DNAH11: variants seen among roughly 807,000 people sequenced by gnomAD.
The protein encoded by DNAH11 is dynein axonemal heavy chain 11.
A neutral mutation model predicts 526.0 loss-of-function variants in DNAH11; 442 were observed. The observed-to-expected ratio is 0.84, with a 90% CI of 0.78 to 0.91. The LOEUF is 0.91. Among genes scored for constraint, DNAH11 ranks in the 40% least tolerant of loss-of-function variants. The pLI, the probability that DNAH11 is intolerant of heterozygous loss-of-function variation, is 0.00. For missense variants in DNAH11, 6,989 were observed against 5,448.7 expected, an observed-to-expected ratio of 1.28 and a Z score of -8.90; for synonymous variants, 2,461 against 1,935.9, an observed-to-expected ratio of 1.27 and a Z score of -7.12.
intron 28 of DNAH11, among the ~76,000 whole-genome samples, chr7:21,653,640 T>G (rs995246734): frequency 6.6e-6 from 1 of 152,172 alleles, no homozygotes; most frequent in Non-Finnish European, 1.5e-5. Context: ...ATGAGATTAG[T>G]GGAGACTTTC....
At chr7:21,731,206 A>T (rs143549530) in intron 45 of DNAH11, among the ~76,000 whole-genome samples, 2 of 152,188 alleles carry the variant, frequency 1.3e-5, no homozygotes, top group Admixed American at 6.5e-5. Flanking sequence ...CCATTGTACA[A>T]TATATACATA....
intron 63 of DNAH11, among the ~76,000 whole-genome samples, chr7:21,814,505 T>TCCCTCCC (rs1457611878): frequency 1.7e-5 from 2 of 114,576 alleles, no homozygotes; most frequent in African/African-American, 3.3e-5. Context: ...CCCAATGCTA[T>TCCCTCCC]CCCTCCCCCC....
intron 45 of DNAH11, among the ~76,000 whole-genome samples, chr7:21,728,383 G>A (rs191185569): frequency 0.014 from 2,039 of 150,054 alleles, 45 homozygotes; most frequent in African/African-American, 0.048. Context: ...TCAGCCTCCC[G>A]AGTAGATGGG....
chr7:21,797,639 G>A (rs1488175262), intron 61 of DNAH11, among the ~76,000 whole-genome samples: 1 of 152,186 alleles, frequency 6.6e-6, no homozygotes, highest in African/African-American at 2.4e-5. Context: ...GTCAGTGTAA[G>A]CTCAAATCAA....
chr7:21,794,246 C>A (rs1311142652), intron 61 of DNAH11, among the ~76,000 whole-genome samples: 2 of 152,166 alleles, frequency 1.3e-5, no homozygotes, highest in Non-Finnish European at 2.9e-5. Flanking sequence ...TAGAGTTGGT[C>A]ATTCGCTCCT....
At chr7:21,820,262 A>G (rs1283919307) in intron 65 of DNAH11, among the ~76,000 whole-genome samples, 1 of 152,212 alleles carries the variant, frequency 6.6e-6, no homozygotes, top group African/African-American at 2.4e-5. Context: ...CAGACCCTGC[A>G]CTTGAGGAAG....
intron 66 of DNAH11, among the ~76,000 whole-genome samples, chr7:21,850,644 A>T (rs1583771489): frequency 2.1e-5 from 2 of 97,036 alleles, no homozygotes; most frequent in African/African-American, 4.2e-5. Flanking sequence ...CTCTAAGTAT[A>T]CCTTGTACTT....
At chr7:21,658,322 T>C (rs1356737547) in intron 29 of DNAH11, among the ~76,000 whole-genome samples, 1 of 152,132 alleles carries the variant, frequency 6.6e-6, no homozygotes, top group Non-Finnish European at 1.5e-5. Flanking sequence ...ATGAAGATTT[T>C]AGAGAAGAAT....
intron 68 of DNAH11, among the ~76,000 whole-genome samples, chr7:21,860,769 G>A (rs1783032248): frequency 6.6e-6 from 1 of 152,114 alleles, no homozygotes; most frequent in Non-Finnish European, 1.5e-5. Flanking sequence ...CAAGAGACTG[G>A]GTGATTTATA....
intron 74 of DNAH11, among the ~76,000 whole-genome samples, chr7:21,875,947 G>C (rs558717597): frequency 1.6e-4 from 21 of 133,258 alleles, no homozygotes; most frequent in Non-Finnish European, 2.9e-4. Context: ...GCAGTGGTAC[G>C]ATCTCGGCTC....
Position 21,570,094 on chromosome 7 carries a change from A to C in DNAH11, c.1220A>C (p.Asp407Ala), listed in dbSNP as rs780042783. The stretch of plus-strand genomic sequence containing the variant: ...GCAACAGCTTACCTTTCACCTGAGG[A>C]CCTTTTGAGGGGAGAAATAGAAGAG... The part of the protein sequence containing the change: ...NQATAYLSPE[D>A]LLRGEIEESL... The change falls in exon 7 of 82, where the codon GAC (aspartate) becomes GCC (alanine). Residue 407 changes from aspartate to alanine, a missense_variant. Physicochemically the swap from Asp to Ala is moderately radical, Grantham distance 126. Transcript: ENST00000409508. The C allele has an allele frequency of 1.9e-5, 30 of 1,610,512 alleles. No homozygotes were observed. Among genetic ancestry groups the C allele is most frequent in the Non-Finnish European group, 2.5e-5 (29 of 1,178,382 alleles).
At chr7:21,663,169 G>A (rs1399789231) in intron 30 of DNAH11, among the ~76,000 whole-genome samples, 3 of 152,064 alleles carry the variant, frequency 2.0e-5, no homozygotes, top group Non-Finnish European at 4.4e-5. Context: ...TCTTTTTTAT[G>A]GTGGAGTAGT....
chr7:21,681,833 G>T (rs1783153123), intron 31 of DNAH11, 156 bp downstream of exon 31: 2 of 968,910 alleles, frequency 2.1e-6, no homozygotes, highest in Non-Finnish European at 1.6e-6. Context: ...ATTTGATTTT[G>T]GTTAGCCAAT....
At chr7:21,707,857 T>C in intron 40 of DNAH11, 22 bp downstream of exon 40, 2 of 1,546,620 alleles carry the variant, frequency 1.3e-6, no homozygotes, top group South Asian at 1.2e-5. Context: ...CCTTTAGAAG[T>C]GCTCAATTTT....
At chr7:21,752,462 T>C (rs912797348) in intron 54 of DNAH11, among the ~76,000 whole-genome samples, 6 of 152,210 alleles carry the variant, frequency 3.9e-5, no homozygotes, top group Non-Finnish European at 7.3e-5. Context: ...TACATATTTT[T>C]GTAAGAGTTC....
In DNAH11 at chr7:21,884,516, G is replaced by C. The variant is rs145039772; in HGVS notation, c.12507+106G>C. The C allele has an allele frequency of 3.0e-5, 37 of 1,222,006 alleles. No individual in the cohort carries two copies. The African/African-American group carries it at 5.2e-4, about 17-fold the overall frequency. 75.7% of individuals were successfully genotyped at this position (1,222,006 alleles called of 1,614,324 possible). A position where few individuals can be genotyped will look rare whatever the true frequency, so the allele number is the denominator to read the frequency against. ...TATGGGCAATTCTTAATGTTATTGA[G>C]GATGCTTGGCCTTTTGGGAAATTTC... On this transcript the variant is annotated intron_variant, in intron 76 of 81. Coordinates refer to ENST00000409508, the MANE Select transcript of DNAH11 (RefSeq NM_001277115.2).
intron 34 of DNAH11, 88 bp downstream of exon 34, chr7:21,687,615 C>G (rs1783436949): frequency 7.1e-7 from 1 of 1,418,284 alleles, no homozygotes; most frequent in Non-Finnish European, 9.5e-7. Flanking sequence ...ATTGCTACCT[C>G]TCCCTGTCTC....
chr7:21,557,544 C>T (rs1227885123), intron 2 of DNAH11, among the ~76,000 whole-genome samples: 1 of 152,130 alleles, frequency 6.6e-6, no homozygotes, highest in East Asian at 1.9e-4. Context: ...TATGGAGACA[C>T]TAATCCCATT....
At chr7:21,797,673 A>C (rs1448003042) in intron 61 of DNAH11, among the ~76,000 whole-genome samples, 1 of 152,262 alleles carries the variant, frequency 6.6e-6, no homozygotes, top group Non-Finnish European at 1.5e-5. Context: ...CTATGAAAGT[A>C]GTAGATTGTC....
Sources: allele counts gnomAD v4.1 joint callset (sites outside exome capture counted in the v4.1 genomes callset), GRCh38; gene constraint gnomAD v4.1.1; transcripts MANE v1.5; gene names NCBI Gene and HGNC (gene_info 2026-07-23, HGNC 2026-07-21).